DKK3: variants seen among roughly 807,000 people sequenced by gnomAD.
The protein encoded by DKK3 is dickkopf-related protein 3.
In DKK3, 22 loss-of-function variants were observed where a neutral mutation model predicts 33.2. The ratio of observed to expected loss-of-function variants is 0.66; its 90% CI spans 0.47 to 0.95. The LOEUF is 0.95. Among genes scored for constraint, DKK3 ranks in the 40% least tolerant of loss-of-function variants. The probability of loss-of-function intolerance (pLI) is 0.00; values close to 1 mark genes in which losing one functional copy is unlikely to be tolerated. For missense variants in DKK3, 398 were observed against 458.4 expected (o/e 0.87, Z 1.20); for synonymous variants, 194 against 188.8 (o/e 1.03, Z -0.23).
chr11:12,008,877 G>A (rs1848601167), upstream of DKK3: 6 of 1,124,652 alleles, frequency 5.3e-6, no homozygotes, highest in Non-Finnish European at 6.5e-6. The surrounding 1 kb of genome is among the most constrained non-coding windows in gnomAD (Gnocchi z 4.6). Flanking sequence ...CACCTGTGAT[G>A]CTGGAGCCCT....
intron 3 of DKK3, 23 bp from the exon 4 acceptor site, chr11:11,968,510 G>T (rs1847654208): frequency 6.2e-7 from 1 of 1,608,550 alleles, no homozygotes; most frequent in Non-Finnish European, 8.5e-7. Flanking sequence ...ACAGGGAGCA[G>T]ATGTGTCAAT....
intron 3 of DKK3, among the ~76,000 whole-genome samples, chr11:11,993,147 C>A (rs956478371): frequency 1.3e-5 from 2 of 152,038 alleles, no homozygotes; most frequent in Non-Finnish European, 2.9e-5. Context: ...CAAAACCATT[C>A]AAAAATATAG....
intron 3 of DKK3, 43 bp downstream of exon 3, chr11:11,998,653 G>T: frequency 6.4e-7 from 1 of 1,551,406 alleles, no homozygotes; most frequent in East Asian, 2.2e-5. Flanking sequence ...GAAAATGAAA[G>T]TGAGTGTGTC....
intron 3 of DKK3, among the ~76,000 whole-genome samples, chr11:11,992,359 T>A (rs1302774623): frequency 1.3e-5 from 2 of 152,234 alleles, no homozygotes; most frequent in East Asian, 3.8e-4. Context: ...AATTGCCATT[T>A]GAACTGGATC....
intron 3 of DKK3, among the ~76,000 whole-genome samples, chr11:11,976,876 T>C (rs1406766022): frequency 2.0e-5 from 3 of 152,220 alleles, no homozygotes; most frequent in Non-Finnish European, 2.9e-5. Context: ...GCCTGTAAGA[T>C]GCACATTTGT....
Position 12,008,290 on chromosome 11 carries a change from G to C in DKK3, c.213+80C>G. ...GCGCGGGACCCGAGGTCCCTGGCCAGCGCTCTTCCATGCCTTCCCAGACTT... is the reference window on the plus strand; with the variant it reads ...GCGCGGGACCCGAGGTCCCTGGCCACCGCTCTTCCATGCCTTCCCAGACTT... On this transcript the variant is annotated intron_variant, in intron 1 of 6. Coordinates refer to ENST00000683431, the MANE Select transcript of DKK3 (RefSeq NM_001018057.2). The surrounding 1 kb of genome is among the most constrained non-coding windows in gnomAD (Gnocchi z 4.6). 1 of 1,489,848 alleles carries C rather than the reference G, an allele frequency of 6.7e-7. No homozygotes were observed. Among genetic ancestry groups the C allele is most frequent in the Middle Eastern group, 2.2e-4 (1 of 4,538 alleles). 92.3% of individuals were successfully genotyped at this position (1,489,848 alleles called of 1,614,324 possible). A position where few individuals can be genotyped will look rare whatever the true frequency, so the allele number is the denominator to read the frequency against.
chr11:11,989,018 T>C (rs1214849307), intron 3 of DKK3, among the ~76,000 whole-genome samples: 1 of 152,204 alleles, frequency 6.6e-6, no homozygotes, highest in African/African-American at 2.4e-5. Flanking sequence ...TCAGCTTACA[T>C]TGGGCACTTA....
chr11:11,989,126 T>C (rs1411140020), intron 3 of DKK3, among the ~76,000 whole-genome samples: 3 of 152,240 alleles, frequency 2.0e-5, no homozygotes, highest in African/African-American at 2.4e-5. Flanking sequence ...GCAGCCACTA[T>C]GGAAAACAGT....
intron 3 of DKK3, among the ~76,000 whole-genome samples, chr11:11,992,902 CAAAG>C (rs1269648225): frequency 6.6e-6 from 1 of 152,026 alleles, no homozygotes; most frequent in Non-Finnish European, 1.5e-5. Flanking sequence ...ATCTAATAAT[CAAAG>C]AAATATAAAC....
intron 3 of DKK3, among the ~76,000 whole-genome samples, chr11:11,986,035 C>T (rs567375279): frequency 6.6e-5 from 10 of 152,228 alleles, no homozygotes; most frequent in African/African-American, 1.7e-4. Context: ...ATCTCCTGCT[C>T]GTGGGGCTGA....
intron 3 of DKK3, among the ~76,000 whole-genome samples, chr11:11,978,494 CTTCTTCT>C (rs143778153): frequency 0.045 from 6,740 of 150,614 alleles, 253 homozygotes; most frequent in African/African-American, 0.1. Flanking sequence ...TCCTCTTCTT[CTTCTTCT>C]TTCTTCTTTC....
chr11:12,009,658 C>G (rs1848617071), upstream of DKK3: 7 of 985,664 alleles, frequency 7.1e-6, no homozygotes, highest in Non-Finnish European at 7.2e-6. Flanking sequence ...CCAAGCCAAC[C>G]TCTGTCCTGT....
intron 6 of DKK3, 35 bp from the exon 7 acceptor site, chr11:11,964,721 G>C (rs372860129): frequency 6.3e-7 from 1 of 1,594,276 alleles, no homozygotes; most frequent in East Asian, 2.3e-5. Context: ...GGCTCTAAAC[G>C]TGGGAGCCTG....
chr11:11,985,180 GC>G (rs1035243113), intron 3 of DKK3, among the ~76,000 whole-genome samples: 1 of 152,122 alleles, frequency 6.6e-6, no homozygotes, highest in African/African-American at 2.4e-5. Flanking sequence ...CCCTGGAGCC[GC>G]CCATCCTCAT....
At chr11:11,995,238 C>T (rs532901562) in intron 3 of DKK3, among the ~76,000 whole-genome samples, 5 of 152,288 alleles carry the variant, frequency 3.3e-5, no homozygotes, top group East Asian at 1.9e-4. Flanking sequence ...TGCCACCAGG[C>T]CCGGCTAATT....
chr11:12,004,613 T>C (rs1009434126), intron 1 of DKK3, among the ~76,000 whole-genome samples: 1 of 152,208 alleles, frequency 6.6e-6, no homozygotes, highest in African/African-American at 2.4e-5. Context: ...ACAAAGTAGC[T>C]GTATGACTTT....
Position 11,966,972 on chromosome 11 carries a change from A to T in DKK3, c.655T>A (p.Cys219Ser). ...DNQRDCQPGLCCAFQRGLLFP... is the reference protein window; with the variant it reads ...DNQRDCQPGLSCAFQRGLLFP... ...CACTCACCTCTCTGGAAGGCACAGC[A>T]CAGCCCCGGCTGGCAGTCCCTCTGG... is the stretch of plus-strand genomic sequence containing the variant. The change falls in exon 5 of 7, where the codon TGC becomes AGC. Residue 219 changes from cysteine (C) to serine (S), a missense_variant. By Grantham distance (112) the Cys-to-Ser change is moderately radical. Coordinates refer to ENST00000683431, the MANE Select transcript of DKK3 (RefSeq NM_001018057.2). 6.2e-7 allele frequency: 1 copy of T among 1,613,978 alleles called. No individual in the cohort carries two copies. The highest frequency in any genetic ancestry group is 8.5e-7 in the Non-Finnish European group (1 of 1,179,938).
intron 3 of DKK3, among the ~76,000 whole-genome samples, chr11:11,978,414 TTCTTCC>T (rs1258193057): frequency 2.6e-5 from 4 of 151,138 alleles, no homozygotes; most frequent in Admixed American, 1.3e-4. Flanking sequence ...CTTCCTCTTC[TTCTTCC>T]TCTTCCTCTT....
At chr11:11,964,775 G>A in intron 6 of DKK3, 89 bp from the exon 7 acceptor site, 2 of 1,536,838 alleles carry the variant, frequency 1.3e-6, no homozygotes, top group Non-Finnish European at 1.7e-6. Context: ...GGGGCTCCCA[G>A]CCTCACCTTC....
Sources: allele counts gnomAD v4.1 joint callset (sites outside exome capture counted in the v4.1 genomes callset), GRCh38; gene constraint gnomAD v4.1.1; non-coding constraint Gnocchi (gnomAD v3.1); transcripts MANE v1.5; gene names NCBI Gene and HGNC (gene_info 2026-07-23, HGNC 2026-07-21).